The following RPH3A variants were observed in gnomAD, a reference collection of about 807,000 sequenced individuals.
RPH3A encodes rabphilin-3A.
A neutral mutation model predicts 102.2 loss-of-function variants in RPH3A; 48 were observed. That is an observed-to-expected ratio of 0.47 (90% CI 0.37 to 0.60). The LOEUF is 0.60. RPH3A is among the 20% of genes least tolerant of loss of function. The pLI, the probability that RPH3A is intolerant of heterozygous loss-of-function variation, is 0.00. For missense variants in RPH3A, 781 were observed against 910.1 expected, an observed-to-expected ratio of 0.86 and a Z score of 1.83; for synonymous variants, 310 against 324.3, an observed-to-expected ratio of 0.96 and a Z score of 0.47.
chr12:112,857,640 T>C (rs553038597), intron 5 of RPH3A, among the ~76,000 whole-genome samples: 1 of 152,304 alleles, frequency 6.6e-6, no homozygotes, highest in East Asian at 1.9e-4. Flanking sequence ...GCCTCCACTT[T>C]AGCCTTGACC....
chr12:112,831,132 C>T (rs563486064), intron 3 of RPH3A, among the ~76,000 whole-genome samples: 44 of 147,000 alleles, frequency 3.0e-4, no homozygotes, highest in Admixed American at 7.6e-4. Flanking sequence ...TAAAAACAGG[C>T]GGCTGACTGT....
chr12:112,652,933 C>A (rs1350615511), intron 1 of RPH3A, among the ~76,000 whole-genome samples: 1 of 152,152 alleles, frequency 6.6e-6, no homozygotes, highest in Non-Finnish European at 1.5e-5. Flanking sequence ...GATGGTATAG[C>A]CTATTGTACC....
At chr12:112,663,463 C>G (rs182757261) in intron 1 of RPH3A, among the ~76,000 whole-genome samples, 22 of 152,220 alleles carry the variant, frequency 1.4e-4, no homozygotes, top group African/African-American at 5.3e-4. Context: ...ATCCTCCCAC[C>G]ATGGCCTCCC....
intron 1 of RPH3A, among the ~76,000 whole-genome samples, chr12:112,635,367 G>T (rs957295900): frequency 3.9e-5 from 6 of 152,182 alleles, no homozygotes; most frequent in African/African-American, 1.4e-4. Context: ...TCTCAGCTTT[G>T]CCACTTACAG....
intron 2 of RPH3A, among the ~76,000 whole-genome samples, chr12:112,811,885 T>C (rs2041582690): frequency 6.6e-6 from 1 of 152,114 alleles, no homozygotes; most frequent in Admixed American, 6.6e-5. Flanking sequence ...GTCCCGCACA[T>C]GGTGGAGGCA....
chr12:112,833,730 G>GT (rs71445581), intron 3 of RPH3A, among the ~76,000 whole-genome samples: 6,626 of 143,600 alleles, frequency 0.046, 184 homozygotes, highest in Non-Finnish European at 0.051. Context: ...ATAATTTCAT[G>GT]TTTTTTTTTT....
At chr12:112,620,713 G>A (rs1421257124) in intron 1 of RPH3A, among the ~76,000 whole-genome samples, 2 of 152,044 alleles carry the variant, frequency 1.3e-5, no homozygotes, top group Admixed American at 6.6e-5. Flanking sequence ...TCACTCTCTC[G>A]ACACAGACCC....
chr12:112,580,394 C>CTTTTTTTTTTTTT (rs773931202), intron 1 of RPH3A, among the ~76,000 whole-genome samples: 54 of 76,940 alleles, frequency 7.0e-4, no homozygotes, highest in Non-Finnish European at 9.8e-4. Flanking sequence ...TTTGTCTTGT[C>CTTTTTTTTTTTTT]TTTTTTTTTT....
chr12:112,699,684 T>G (rs1460355093), intron 1 of RPH3A, among the ~76,000 whole-genome samples: 1 of 152,306 alleles, frequency 6.6e-6, no homozygotes, highest in East Asian at 1.9e-4. Flanking sequence ...TCTTTCTTGA[T>G]TTGGGTGGTG....
In RPH3A at chr12:112,629,761, CAAT is replaced by C. The variant is rs976787656; in HGVS notation, c.-140+54457_-140+54459del. Among the ~76,000 whole-genome samples, 8 of 151,678 alleles carry C rather than the reference CAAT, an allele frequency of 5.3e-5. No homozygotes were observed. The East Asian group carries it at 5.8e-4, about 11-fold the overall frequency. Reference sequence around the variant, plus strand: ...CAATGTATTTCACTTTTAATTGGGTCAATAATAATAATAATAAAATTGATAGTA... The same window carrying C: ...CAATGTATTTCACTTTTAATTGGGTCAATAATAATAATAAAATTGATAGTA... On this transcript the variant is annotated intron_variant, in intron 1 of 21. Transcript: ENST00000543106.
rs556542766 is a variant in RPH3A at position 112,765,761 on chromosome 12, G to GGACT, written c.-139-26380_-139-26377dup. Among the ~76,000 whole-genome samples, 356 of 152,294 alleles carry GGACT rather than the reference G, an allele frequency of 2.3e-3. 1 individual carries two copies. Among genetic ancestry groups the GGACT allele is most frequent in the African/African-American group, 7.9e-3 (330 of 41,554 alleles). On this transcript the variant is annotated intron_variant, in intron 1 of 21. Transcript: ENST00000543106. The stretch of plus-strand genomic sequence containing the variant: ...TGAGGCTGGACCATAGGCCTTTGCA[G>GGACT]GACTGGAACCACACCTCGCTCATCT...
chr12:112,867,766 C>G (rs2042636879), intron 7 of RPH3A, among the ~76,000 whole-genome samples: 1 of 152,202 alleles, frequency 6.6e-6, no homozygotes. Context: ...GCTACAAACT[C>G]TTTATTTGCC....
chr12:112,718,639 T>C (rs564546801), intron 1 of RPH3A, among the ~76,000 whole-genome samples: 4 of 152,304 alleles, frequency 2.6e-5, no homozygotes, highest in African/African-American at 9.6e-5. Context: ...GAGTAGATCG[T>C]CTACTGGCCA....
chr12:112,730,336 C>T (rs1240831354), intron 1 of RPH3A, among the ~76,000 whole-genome samples: 2 of 152,220 alleles, frequency 1.3e-5, no homozygotes, highest in Non-Finnish European at 2.9e-5. Context: ...GGAGTGCAGC[C>T]AACTGATGGT....
chr12:112,896,897 C>A lies in RPH3A; in HGVS notation c.*117C>A. The A allele has an allele frequency of 8.8e-7, 1 of 1,135,460 alleles. No individual in the cohort carries two copies. Among genetic ancestry groups the A allele is most frequent in the South Asian group, 1.5e-5 (1 of 65,212 alleles). 70.3% of individuals were successfully genotyped at this position (1,135,460 alleles called of 1,614,324 possible). A position where few individuals can be genotyped will look rare whatever the true frequency, so the allele number is the denominator to read the frequency against. On this transcript the variant is annotated 3_prime_UTR_variant, in exon 22 of 22. Coordinates refer to ENST00000389385, the MANE Select transcript of RPH3A (RefSeq NM_001143854.2). ...CCTCCCCCCATACCCTGCTGATCTC[C>A]CTGAGCCTGCCTTTGAGCCCCCGTC...
At chr12:112,887,006 G>T (rs2136257910) in intron 16 of RPH3A, among the ~76,000 whole-genome samples, 1 of 152,282 alleles carries the variant, frequency 6.6e-6, no homozygotes, top group East Asian at 1.9e-4. Flanking sequence ...TGACATAATT[G>T]AAGTCAAAGA....
rs1164209936 is a variant in RPH3A at position 112,622,077 on chromosome 12, C to T, written c.-140+46758C>T. Among the ~76,000 whole-genome samples the T allele has an allele frequency of 7.3e-3, 1,083 of 149,166 alleles. 12 individuals carry two copies. Among genetic ancestry groups the T allele is most frequent in the African/African-American group, 0.026 (1,026 of 39,918 alleles). On this transcript the variant is annotated intron_variant, in intron 1 of 21. Coordinates refer to the RPH3A transcript ENST00000543106. Reference sequence around the variant, plus strand: ...ATCTGTACATCACCATCATCAAAGACGAAAAGTAGATAAAACCACAAAGAT... The same window carrying T: ...ATCTGTACATCACCATCATCAAAGATGAAAAGTAGATAAAACCACAAAGAT...
intron 1 of RPH3A, among the ~76,000 whole-genome samples, chr12:112,654,683 G>T (rs541782270): frequency 6.6e-6 from 1 of 152,300 alleles, no homozygotes; most frequent in East Asian, 1.9e-4. Flanking sequence ...TGCAGTTATA[G>T]ATGTTGCAAT....
intron 5 of RPH3A, among the ~76,000 whole-genome samples, chr12:112,852,570 T>C (rs2042340617): frequency 6.6e-6 from 1 of 152,174 alleles, no homozygotes; most frequent in Admixed American, 6.5e-5. Flanking sequence ...TAGCTCTTCT[T>C]AGTCTAAATT....
Sources: gnomAD v4.1 joint callset for allele counts (sites outside exome capture counted in the v4.1 genomes callset) on GRCh38, gnomAD v4.1.1 for gene constraint, MANE v1.5 for transcripts, NCBI Gene and HGNC (gene_info 2026-07-23, HGNC 2026-07-21) for gene names.